GP9: variants seen among roughly 807,000 people sequenced by gnomAD.
GP9 encodes platelet glycoprotein IX.
For synonymous variants in GP9, 116 were observed against 116.7 expected (o/e 0.99, Z 0.04); for missense variants, 228 against 241.8 (o/e 0.94, Z 0.38).
upstream of GP9, among the ~76,000 whole-genome samples, chr3:129,057,717 TG>T (rs1299639190): frequency 6.6e-6 from 1 of 151,930 alleles, no homozygotes; most frequent in African/African-American, 2.4e-5. Flanking sequence ...CAAGTAGAAG[TG>T]ACTCTTCAGA....
upstream of GP9, among the ~76,000 whole-genome samples, chr3:129,058,070 G>A (rs1946537781): frequency 1.3e-5 from 2 of 152,110 alleles, no homozygotes; most frequent in Admixed American, 1.3e-4. Context: ...ACTTTAGGCA[G>A]ACCTAAAGTG....
chr3:129,056,688 C>T (rs138917381), upstream of GP9, among the ~76,000 whole-genome samples: 21 of 152,278 alleles, frequency 1.4e-4, no homozygotes, highest in African/African-American at 4.8e-4. Flanking sequence ...GATAAGCAAA[C>T]GGCTGGGTGA....
chr3:129,057,603 G>A (rs1211135481), upstream of GP9, among the ~76,000 whole-genome samples: 1 of 152,154 alleles, frequency 6.6e-6, no homozygotes. Flanking sequence ...GGGAAGCCAA[G>A]AAGGCGAACG....
Position 129,062,401 on chromosome 3 carries a change from A to G in GP9, c.*128A>G, listed in dbSNP as rs908632413. On this transcript the variant is annotated 3_prime_UTR_variant, in exon 3 of 3. Coordinates refer to ENST00000307395, the MANE Select transcript of GP9 (RefSeq NM_000174.5). ...AATAAACTGGCAGCTCAGCTGTTTT[A>G]TATAAGCTCAGAGATTTTTTTTTTT... 1 of 651,728 alleles carries G rather than the reference A, an allele frequency of 1.5e-6. No homozygotes were observed. Among genetic ancestry groups the G allele is most frequent in the South Asian group, 2.1e-5 (1 of 47,852 alleles). The allele number at this position is 651,728 out of a possible 1,614,324, so 40.4% of individuals were successfully genotyped here. A position where few individuals can be genotyped will look rare whatever the true frequency, so the allele number is the denominator to read the frequency against.
Position 129,061,834 on chromosome 3 carries a change from T to C in GP9, c.95T>C (p.Met32Thr), listed in dbSNP as rs1328646848. Residue 32 changes from methionine (M) to threonine (T), a missense_variant, in exon 3 of 3, where the codon ATG becomes ACG. Physicochemically the swap from Met to Thr is moderately conservative, Grantham distance 81 (BLOSUM62 -1). Coordinates refer to ENST00000307395, the MANE Select transcript of GP9 (RefSeq NM_000174.5). ...TGTACCTGCCGCGCCCTGGAAACCA[T>C]GGGGCTGTGGGTGGACTGCAGGGGC... is the stretch of plus-strand genomic sequence containing the variant. ...SPCTCRALET[M>T]GLWVDCRGHG... 17 of 1,612,696 alleles carry C rather than the reference T, an allele frequency of 1.1e-5. No homozygotes were observed. Among genetic ancestry groups the C allele is most frequent in the Non-Finnish European group, 1.4e-5 (17 of 1,179,534 alleles).
upstream of GP9, among the ~76,000 whole-genome samples, chr3:129,057,991 G>A (rs1289228332): frequency 1.3e-5 from 2 of 151,886 alleles, no homozygotes; most frequent in Non-Finnish European, 2.9e-5. Context: ...ACACCACCAC[G>A]CCCAGCTAAT....
Position 129,061,632 on chromosome 3 carries a change from C to CAT in GP9, c.-13+13_-13+14insAT. The CAT allele has an allele frequency of 1.1e-6, 1 of 924,830 alleles. No homozygotes were observed. The highest frequency in any genetic ancestry group is 1.7e-6 in the Non-Finnish European group (1 of 589,786). The allele number at this position is 924,830 out of a possible 1,614,324, so 57.3% of individuals were successfully genotyped here. A position where few individuals can be genotyped will look rare whatever the true frequency, so the allele number is the denominator to read the frequency against. ...CCCGAGAAGGGAGGTGAGTGCACCC[C>CAT]GTCCCATGTCAGGCTCCGCTACATC... On this transcript the variant is annotated intron_variant, in intron 2 of 2. Transcript: ENST00000307395.
At chr3:129,055,801 C>T (rs572237433), upstream of GP9, among the ~76,000 whole-genome samples, 6 of 152,254 alleles carry the variant, frequency 3.9e-5, no homozygotes, top group African/African-American at 1.2e-4. Context: ...CGTGACACCA[C>T]GCCCAGCTAA....
chr3:129,057,830 C>CTTTTTT (rs869136524), upstream of GP9, among the ~76,000 whole-genome samples: 1 of 123,926 alleles, frequency 8.1e-6, no homozygotes, highest in Non-Finnish European at 1.8e-5. Context: ...TAGGTTGCTT[C>CTTTTTT]TTTTTTTTTT....
intron 2 of GP9, 44 bp from the exon 3 acceptor site, chr3:129,061,684 G>A (rs1946576291): frequency 2.7e-6 from 4 of 1,467,776 alleles, no homozygotes; most frequent in South Asian, 1.2e-5. Flanking sequence ...CCTGAGGATC[G>A]GTCCAGGCTG....
At position 129,061,846 on chromosome 3, in the gene GP9, T is replaced by C; in HGVS notation, c.107T>C (p.Val36Ala). 6.2e-7 allele frequency: 1 copy of C among 1,612,416 alleles called. No individual in the cohort carries two copies. Among genetic ancestry groups the C allele is most frequent in the Non-Finnish European group, 8.5e-7 (1 of 1,179,476 alleles). The change falls in exon 3 of 3, where the codon GTG (valine) becomes GCG (alanine). Residue 36 changes from valine to alanine, a missense_variant. Physicochemically the swap from Val to Ala is moderately conservative, Grantham distance 64 (BLOSUM62 0). Transcript: ENST00000307395. The part of the protein sequence containing the change: ...CRALETMGLW[V>A]DCRGHGLTAL... ...GCCCTGGAAACCATGGGGCTGTGGGTGGACTGCAGGGGCCACGGACTCACG... is the reference window on the plus strand; with the variant it reads ...GCCCTGGAAACCATGGGGCTGTGGGCGGACTGCAGGGGCCACGGACTCACG...
In GP9 at chr3:129,062,028, C is replaced by T. The variant is rs764919230; in HGVS notation, c.289C>T (p.Arg97Cys). ...CTGTGACTGCAGCCTCACCTATCTG[C>T]GCCTCTGGCTGGAGGACCGCACGCC... is the stretch of plus-strand genomic sequence containing the variant. ...WHCDCSLTYL[R>C]LWLEDRTPEA... The change falls in exon 3 of 3, where the codon CGC becomes TGC. Residue 97 changes from arginine to cysteine, a missense_variant. Coordinates refer to ENST00000307395, the MANE Select transcript of GP9 (RefSeq NM_000174.5). 12 of 1,613,314 alleles carry T rather than the reference C, an allele frequency of 7.4e-6. No individual in the cohort carries two copies. The highest frequency in any genetic ancestry group is 5.3e-5 in the African/African-American group (4 of 74,944).
At chr3:129,057,631 AG>A (rs1322396119), upstream of GP9, among the ~76,000 whole-genome samples, 1 of 152,168 alleles carries the variant, frequency 6.6e-6, no homozygotes, top group Non-Finnish European at 1.5e-5. Context: ...GAGCAGTAGC[AG>A]CACAGGGAGA....
rs2107957247 is a variant in GP9, at chr3:129,062,317, C to T, written c.*44C>T. The T allele has an allele frequency of 1.4e-6, 2 of 1,399,842 alleles. No individual in the cohort carries two copies. The highest frequency in any genetic ancestry group is 2.5e-5 in the East Asian group (1 of 39,926). The allele number at this position is 1,399,842 out of a possible 1,614,324, so 86.7% of individuals were successfully genotyped here. On this transcript the variant is annotated 3_prime_UTR_variant, in exon 3 of 3. Transcript: ENST00000307395. ...CTGGCTCCAGGCCAGGGGGCCAGTCCCTGAGGCAGGTCCCCAGACTCCACC... is the reference window on the plus strand; with the variant it reads ...CTGGCTCCAGGCCAGGGGGCCAGTCTCTGAGGCAGGTCCCCAGACTCCACC...
chr3:129,062,256 A>T lies in GP9; in HGVS notation c.517A>T (p.Thr173Ser), dbSNP rs547990485. 7.7e-6 allele frequency: 12 copies of T among 1,552,972 alleles called. No homozygotes were observed. In the South Asian group the frequency reaches 1.2e-4, roughly 15 times the overall value. The change falls in exon 3 of 3, where the codon ACA (threonine) becomes TCA (serine). Residue 173 changes from threonine to serine, a missense_variant. Thr to Ser is a moderately conservative substitution (Grantham distance 58). Coordinates refer to ENST00000307395, the MANE Select transcript of GP9 (RefSeq NM_000174.5). ...ALLAGLLCAT[T>S]EALD ...TCTGGCTGGCCTGCTGTGTGCCACCACAGAGGCCCTGGATTGAGCCAGGCC... is the reference window on the plus strand; with the variant it reads ...TCTGGCTGGCCTGCTGTGTGCCACCTCAGAGGCCCTGGATTGAGCCAGGCC...
upstream of GP9, among the ~76,000 whole-genome samples, chr3:129,056,709 G>T (rs948368085): frequency 2.0e-5 from 3 of 152,230 alleles, no homozygotes; most frequent in African/African-American, 7.2e-5. Context: ...GTGCGTCGAG[G>T]AGGGCTTCCC....
At chr3:129,059,605 G>A (rs1054991852), upstream of GP9, among the ~76,000 whole-genome samples, 3 of 152,134 alleles carry the variant, frequency 2.0e-5, no homozygotes, top group Non-Finnish European at 4.4e-5. Context: ...ACCCTTCTCT[G>A]AGCCCAGCAT....
intron 1 of GP9, 124 bp downstream of exon 1, chr3:129,060,974 G>A (rs895017744): frequency 6.5e-6 from 1 of 153,452 alleles, no homozygotes. Context: ...CCTTGGCTGA[G>A]TCAAGATGAG....
At chr3:129,060,614 C>T (rs902778730), upstream of GP9, among the ~76,000 whole-genome samples, 1 of 152,262 alleles carries the variant, frequency 6.6e-6, no homozygotes, top group African/African-American at 2.4e-5. Flanking sequence ...GTGGGACCCC[C>T]TTCTATAAAC....
Sources: allele counts gnomAD v4.1 joint callset (sites outside exome capture counted in the v4.1 genomes callset), GRCh38; gene constraint gnomAD v4.1.1; transcripts MANE v1.5; gene names NCBI Gene and HGNC (gene_info 2026-07-23, HGNC 2026-07-21).